ANO10: variants seen among roughly 807,000 people sequenced by gnomAD.
ANO10 encodes the protein anoctamin-10.
ANO10 carries 77 observed loss-of-function variants against 74.7 expected under a neutral mutation model. The ratio of observed to expected loss-of-function variants is 1.03; its 90% confidence interval spans 0.86 to 1.25. ANO10 has a LOEUF of 1.25. Ranked by LOEUF, ANO10 falls within the 50% of genes most tolerant of loss-of-function variation. The pLI is 0.00. For missense variants in ANO10, 721 were observed against 778.1 expected (o/e 0.93, Z 0.87); for synonymous variants, 279 against 284.9 (o/e 0.98, Z 0.21).
At chr3:43,427,587 A>T (rs1417229790) in intron 12 of ANO10, among the ~76,000 whole-genome samples, 1 of 152,222 alleles carries the variant, frequency 6.6e-6, no homozygotes, top group Non-Finnish European at 1.5e-5. Context: ...GTCACTTAAT[A>T]GTGAGACTTC....
intron 11 of ANO10, among the ~76,000 whole-genome samples, chr3:43,486,879 G>C (rs1212744428): frequency 2.8e-5 from 4 of 145,222 alleles, no homozygotes; most frequent in Admixed American, 2.1e-4. Flanking sequence ...CCTGTCTTGT[G>C]CCAGTTTTCA....
chr3:43,676,457 C>CA lies in ANO10; in HGVS notation c.-12+15059dup, dbSNP rs200281891. On this transcript the variant is annotated intron_variant, in intron 1 of 3. Coordinates refer to the ANO10 transcript ENST00000413397. ...TGGGAGACAGAGTGAGACCCTGTCT[C>CA]AAAAAAAAAATGTTTTTAAGTCATA... is the stretch of plus-strand genomic sequence containing the variant. Among the ~76,000 whole-genome samples the CA allele has an allele frequency of 1.1e-3, 163 of 147,114 alleles. 2 individuals are homozygous for CA. The highest frequency in any genetic ancestry group is 3.4e-3 in the Middle Eastern group (1 of 290).
At chr3:43,485,511 A>G in intron 11 of ANO10, 2 of 262,040 alleles carry the variant, frequency 7.6e-6, no homozygotes, top group South Asian at 9.1e-5. Context: ...ATGGCCCAAG[A>G]TTGCATTCCT....
intron 1 of ANO10, among the ~76,000 whole-genome samples, chr3:43,619,169 T>A (rs188979570): frequency 6.6e-6 from 1 of 152,338 alleles, no homozygotes; most frequent in Non-Finnish European, 1.5e-5. Flanking sequence ...TATCCCCTTC[T>A]AAGGGATAGG....
intron 7 of ANO10, among the ~76,000 whole-genome samples, chr3:43,571,584 A>G (rs2080719481): frequency 6.6e-6 from 1 of 152,016 alleles, no homozygotes; most frequent in Non-Finnish European, 1.5e-5. Context: ...CTATCGCAAG[A>G]ACAAAAAACC....
chr3:43,478,902 G>A (rs1024046135), intron 11 of ANO10, among the ~76,000 whole-genome samples: 2 of 152,120 alleles, frequency 1.3e-5, no homozygotes, highest in East Asian at 1.9e-4. Context: ...GCAAACCCAA[G>A]TACCTGTTTT....
chr3:43,441,087 A>T (rs542784899), intron 11 of ANO10, among the ~76,000 whole-genome samples: 1 of 151,886 alleles, frequency 6.6e-6, no homozygotes, highest in Non-Finnish European at 1.5e-5. Flanking sequence ...CTTACATTAT[A>T]AAAAAAAGAA....
chr3:43,683,821 A>C (rs929767559), intron 1 of ANO10, among the ~76,000 whole-genome samples: 8 of 152,102 alleles, frequency 5.3e-5, no homozygotes, highest in African/African-American at 1.9e-4. Context: ...CAAAAACAAG[A>C]AATGGGGAAA....
intron 12 of ANO10, among the ~76,000 whole-genome samples, chr3:43,388,818 A>C (rs561088121): frequency 6.6e-6 from 1 of 152,370 alleles, no homozygotes; most frequent in African/African-American, 2.4e-5. Flanking sequence ...ATACTAAGAG[A>C]AGTAGTAAAA....
chr3:43,518,062 C>T (rs1039573483), intron 11 of ANO10, among the ~76,000 whole-genome samples: 6 of 152,100 alleles, frequency 3.9e-5, no homozygotes, highest in South Asian at 2.1e-4. Flanking sequence ...TTTAAACACA[C>T]GTATGCTGCA....
chr3:43,648,522 C>T (rs1238568098), intron 1 of ANO10, among the ~76,000 whole-genome samples: 1 of 152,124 alleles, frequency 6.6e-6, no homozygotes, highest in Admixed American at 6.5e-5. Flanking sequence ...GGAGATTATT[C>T]ATGCCTCCCC....
intron 10 of ANO10, among the ~76,000 whole-genome samples, chr3:43,552,414 A>G (rs2079507630): frequency 6.6e-6 from 1 of 152,002 alleles, no homozygotes; most frequent in Non-Finnish European, 1.5e-5. Flanking sequence ...TTTTCTACAT[A>G]TATTTAGAAT....
intron 11 of ANO10, among the ~76,000 whole-genome samples, chr3:43,509,407 G>A (rs2077427387): frequency 2.0e-5 from 3 of 152,156 alleles, no homozygotes; most frequent in Non-Finnish European, 4.4e-5. Flanking sequence ...ACATTTCACT[G>A]AAGAGGATTC....
At chr3:43,553,203 CT>C (rs1479432861) in intron 10 of ANO10, among the ~76,000 whole-genome samples, 1 of 152,138 alleles carries the variant, frequency 6.6e-6, no homozygotes, top group African/African-American at 2.4e-5. Flanking sequence ...TGTTTTCCCC[CT>C]ATAGGTAAGA....
chr3:43,593,441 T>G (rs922643931), intron 4 of ANO10, among the ~76,000 whole-genome samples: 1 of 151,902 alleles, frequency 6.6e-6, no homozygotes, highest in Non-Finnish European at 1.5e-5. Flanking sequence ...CAGAAGAGAG[T>G]GGGGGCCAAT....
At chr3:43,517,522 A>G (rs964883158) in intron 11 of ANO10, among the ~76,000 whole-genome samples, 4 of 152,208 alleles carry the variant, frequency 2.6e-5, no homozygotes, top group South Asian at 2.1e-4. Context: ...TGATAGGACT[A>G]TCATCCTTAC....
intron 8 of ANO10, 79 bp from the exon 9 acceptor site, chr3:43,561,481 T>G: frequency 8.2e-7 from 1 of 1,218,726 alleles, no homozygotes; most frequent in Middle Eastern, 2.3e-4. Flanking sequence ...ATATATAAAT[T>G]AAACTACAGT....
chr3:43,419,019 GA>G (rs1278928139), intron 12 of ANO10, among the ~76,000 whole-genome samples: 1 of 152,208 alleles, frequency 6.6e-6, no homozygotes, highest in Non-Finnish European at 1.5e-5. Flanking sequence ...GCCCTTTACA[GA>G]AAAAGTTTGC....
chr3:43,373,928 C>T (rs1020369049), intron 12 of ANO10, among the ~76,000 whole-genome samples: 1 of 152,256 alleles, frequency 6.6e-6, no homozygotes, highest in Non-Finnish European at 1.5e-5. Flanking sequence ...CTCATCAGGG[C>T]TGCTCATCGC....
Sources: allele counts gnomAD v4.1 joint callset (sites outside exome capture counted in the v4.1 genomes callset), GRCh38; gene constraint gnomAD v4.1.1; transcripts MANE v1.5; gene names NCBI Gene and HGNC (gene_info 2026-07-23, HGNC 2026-07-21).